Variants in SEMA5B observed in about 807,000 individuals in gnomAD.
SEMA5B encodes semaphorin-5B.
SEMA5B carries 66 observed loss-of-function variants against 135.0 expected under a neutral mutation model. The ratio of observed to expected loss-of-function variants is 0.49; its 90% CI spans 0.40 to 0.60. The LOEUF is 0.60. SEMA5B is among the 20% of genes least tolerant of loss of function. The pLI is 0.00. For missense variants in SEMA5B, 1,501 were observed against 1,566.3 expected, an observed-to-expected ratio of 0.96 and a Z score of 0.70; for synonymous variants, 690 against 639.5, an observed-to-expected ratio of 1.08 and a Z score of -1.19.
intron 5 of SEMA5B, among the ~76,000 whole-genome samples, chr3:122,937,884 G>A (rs1939370092): frequency 6.6e-6 from 1 of 152,184 alleles, no homozygotes; most frequent in South Asian, 2.1e-4. Flanking sequence ...GCTCAGGGTG[G>A]GACCCCTGGG....
chr3:122,911,878 G>A (rs773396439), intron 20 of SEMA5B, 42 bp downstream of exon 20: 5 of 1,555,360 alleles, frequency 3.2e-6, no homozygotes, highest in South Asian at 1.2e-5. Context: ...GGGAGTGCAG[G>A]CTGGGAAGGG....
chr3:122,950,463 A>G (rs1939996992), intron 2 of SEMA5B, among the ~76,000 whole-genome samples: 1 of 152,248 alleles, frequency 6.6e-6, no homozygotes, highest in Non-Finnish European at 1.5e-5. Flanking sequence ...GTGTTCCACA[A>G]ACCAGTGTCA....
chr3:122,922,057 C>A lies in SEMA5B; in HGVS notation c.1546G>T (p.Glu516Ter), dbSNP rs565776311. 3 of 1,496,432 alleles carry A rather than the reference C, an allele frequency of 2.0e-6. No homozygotes were observed. The highest frequency in any genetic ancestry group is 1.4e-5 in the African/African-American group (1 of 72,200). 92.7% of individuals were successfully genotyped at this position (1,496,432 alleles called of 1,614,324 possible). A position where few individuals can be genotyped will look rare whatever the true frequency, so the allele number is the denominator to read the frequency against. The change falls in exon 12 of 23, where the codon GAG (glutamate) becomes TAG (stop). Residue 516 changes from glutamate to a stop codon, truncating the protein, a stop_gained. Transcript: ENST00000357599. LOFTEE classifies it high-confidence loss of function. ...SRSLHGCYLE[E>*]LHVLPPGRRE... is the part of the protein sequence containing the mutation. Reference sequence around the variant, plus strand: ...CGCCCGGGGGGCAGCACGTGCAGCTCCTCCAGGTAGCAGCCGTGGAGGCTG... The same window carrying A: ...CGCCCGGGGGGCAGCACGTGCAGCTACTCCAGGTAGCAGCCGTGGAGGCTG...
chr3:122,910,217 A>G lies in SEMA5B; in HGVS notation c.3382T>C (p.Tyr1128His). 6.2e-7 allele frequency: 1 copy of G among 1,614,218 alleles called. No individual in the cohort carries two copies. Among genetic ancestry groups the G allele is most frequent in the South Asian group, 1.1e-5 (1 of 91,088 alleles). Residue 1128 changes from tyrosine to histidine, a missense_variant, in exon 23 of 23, where the codon TAC (tyrosine) becomes CAC (histidine). By Grantham distance (83) the Tyr-to-His change is moderately conservative. This residue lies in a region of SEMA5B where 927 missense variants were observed against 881.6 expected (regional missense o/e 1.05). Coordinates refer to ENST00000357599, the MANE Select transcript of SEMA5B (RefSeq NM_001031702.4). ...CTGTGTTTGTTCAGGGGGCTTGGGT[A>G]GTAAGTAGTCGTGTACACATTGGTC... ...QQTNVYTTTYYPSPLNKHSFR... is the reference protein window; with the variant it reads ...QQTNVYTTTYHPSPLNKHSFR...
chr3:123,022,580 TTAAACTCTCCTGACCCAGTC>T (rs907450204), intron 1 of SEMA5B, among the ~76,000 whole-genome samples: 17 of 152,148 alleles, frequency 1.1e-4, no homozygotes, highest in Admixed American at 6.5e-5. Flanking sequence ...GAGCTCAAGG[TTAAACTCTCCTGACCCAGTC>T]CCCATCCCAG....
chr3:122,973,419 TCCAGCCTGGCGGG>T (rs1941198773), intron 1 of SEMA5B, among the ~76,000 whole-genome samples: 1 of 152,028 alleles, frequency 6.6e-6, no homozygotes, highest in Non-Finnish European at 1.5e-5. Context: ...ATGAGTGGGG[TCCAGCCTGGCGGG>T]CAGTGGAGGG....
At chr3:123,002,567 T>C (rs923072027) in intron 1 of SEMA5B, among the ~76,000 whole-genome samples, 18 of 152,346 alleles carry the variant, frequency 1.2e-4, no homozygotes, top group African/African-American at 3.6e-4. Context: ...CTGTGAATCC[T>C]GAAGTGTTGT....
chr3:122,926,807 G>T (rs1938659351), intron 8 of SEMA5B, 130 bp from the exon 9 acceptor site: 3 of 1,045,090 alleles, frequency 2.9e-6, no homozygotes, highest in Non-Finnish European at 4.2e-6. Flanking sequence ...CAATCTTGGT[G>T]ACCTGGGGGC....
In SEMA5B at chr3:122,985,376, C is replaced by T. The variant is rs375121526; in HGVS notation, c.-38-24075G>A. Among the ~76,000 whole-genome samples the T allele has an allele frequency of 5.3e-5, 8 of 152,168 alleles. No individual in the cohort carries two copies. The East Asian group carries it at 1.4e-3, about 26-fold the overall frequency. On this transcript the variant is annotated intron_variant, in intron 1 of 22. Coordinates refer to ENST00000357599, the MANE Select transcript of SEMA5B (RefSeq NM_001031702.4). ...AAATTAGCCCAGCAGGTTGCACTTGCCTGTAGTTCTAGCTACTCTGTCCTA... is the reference window on the plus strand; with the variant it reads ...AAATTAGCCCAGCAGGTTGCACTTGTCTGTAGTTCTAGCTACTCTGTCCTA...
At chr3:122,988,221 CTCCTTTTG>C (rs568540826) in intron 1 of SEMA5B, among the ~76,000 whole-genome samples, 10 of 152,220 alleles carry the variant, frequency 6.6e-5, no homozygotes, top group Non-Finnish European at 1.3e-4. Flanking sequence ...TAGAAAACCC[CTCCTTTTG>C]TAGGTGAGGA....
intron 1 of SEMA5B, among the ~76,000 whole-genome samples, chr3:123,008,051 C>T (rs1236109133): frequency 6.6e-6 from 1 of 152,172 alleles, no homozygotes; most frequent in Non-Finnish European, 1.5e-5. Context: ...AAATCTGGCT[C>T]AAAAGAACTT....
chr3:123,006,006 C>G (rs1419642204), intron 1 of SEMA5B, among the ~76,000 whole-genome samples: 1 of 152,234 alleles, frequency 6.6e-6, no homozygotes, highest in Non-Finnish European at 1.5e-5. Flanking sequence ...TCAACTTCCT[C>G]CTGAGATGGA....
chr3:122,951,985 T>C (rs1940069215), intron 2 of SEMA5B, among the ~76,000 whole-genome samples: 1 of 152,114 alleles, frequency 6.6e-6, no homozygotes, highest in African/African-American at 2.4e-5. Flanking sequence ...TCCAAGGAAA[T>C]AACAGCACGA....
chr3:122,997,839 T>C lies in SEMA5B; in HGVS notation c.-39+29625A>G, dbSNP rs563665459. ...CCCTCAGGCCAGGAGACCCTGCCCC[T>C]GCCCCACACCACCCAGAGTGGGCCT... On this transcript the variant is annotated intron_variant, in intron 1 of 22. Transcript: ENST00000357599. 2.0e-5 allele frequency among the ~76,000 whole-genome samples: 3 copies of C among 152,228 alleles called. No individual in the cohort carries two copies. The East Asian group carries it at 5.8e-4, about 29-fold the overall frequency.
intron 1 of SEMA5B, among the ~76,000 whole-genome samples, chr3:122,978,144 A>G (rs955838231): frequency 1.3e-5 from 2 of 152,154 alleles, no homozygotes; most frequent in African/African-American, 2.4e-5. Flanking sequence ...GCAGAGGGCA[A>G]CTCCACCAGC....
chr3:122,912,024 C>A lies in SEMA5B; in HGVS notation c.2942G>T (p.Gly981Val), dbSNP rs1455281774. 6.2e-6 allele frequency: 10 copies of A among 1,613,710 alleles called. 1 individual carries two copies. The highest frequency in any genetic ancestry group is 8.5e-6 in the Non-Finnish European group (10 of 1,179,838). Residue 981 changes from glycine to valine, a missense_variant, in exon 20 of 23, where the codon GGA (glycine) becomes GTA (valine). Physicochemically the swap from Gly to Val is moderately radical, Grantham distance 109 (BLOSUM62 -3). Transcript: ENST00000357599. The part of the protein sequence containing the change: ...WSEWSKCTDD[G>V]AQSRSRHCEE... ...ACAGTGCCGGCTTCGGCTCTGGGCTCCGTCGTCAGTGCACTTACTCCACTC... is the reference window on the plus strand; with the variant it reads ...ACAGTGCCGGCTTCGGCTCTGGGCTACGTCGTCAGTGCACTTACTCCACTC...
chr3:122,996,953 C>T (rs1212058519), intron 1 of SEMA5B, among the ~76,000 whole-genome samples: 1 of 152,224 alleles, frequency 6.6e-6, no homozygotes, highest in African/African-American at 2.4e-5. Context: ...CTCTCTGGTC[C>T]ACCCTTGGGT....
intron 1 of SEMA5B, among the ~76,000 whole-genome samples, chr3:123,018,237 A>G (rs902750305): frequency 1.3e-5 from 2 of 152,232 alleles, no homozygotes; most frequent in East Asian, 1.9e-4. Flanking sequence ...CTGTTTACCC[A>G]TCTGTTTACC....
At chr3:122,981,893 C>T (rs189460776) in intron 1 of SEMA5B, among the ~76,000 whole-genome samples, 3 of 152,238 alleles carry the variant, frequency 2.0e-5, no homozygotes, top group East Asian at 3.9e-4. Flanking sequence ...GTCTCTGAGT[C>T]GGAAGTCTGG....
Sources: allele counts gnomAD v4.1 joint callset (sites outside exome capture counted in the v4.1 genomes callset), GRCh38; gene constraint gnomAD v4.1.1; regional missense constraint gnomAD v4.1.1; transcripts MANE v1.5; gene names NCBI Gene and HGNC (gene_info 2026-07-23, HGNC 2026-07-21).